The following LNX2 variants were observed in gnomAD, a reference collection of about 807,000 sequenced individuals.
LNX2 encodes ligand of numb-protein X 2.
In LNX2, 35 loss-of-function variants were observed where a neutral mutation model predicts 66.2. That is an observed-to-expected ratio of 0.53 (90% CI 0.40 to 0.70). LNX2 has a LOEUF of 0.70. LNX2 is among the 30% of genes least tolerant of loss of function. The pLI is 0.00. For synonymous variants in LNX2, 337 were observed against 315.6 expected (o/e 1.07, Z -0.72); for missense variants, 791 against 850.8 (o/e 0.93, Z 0.87).
upstream of LNX2, chr13:27,620,645 AG>A (rs1955893859): frequency 6.5e-6 from 1 of 153,472 alleles, no homozygotes; most frequent in South Asian, 1.8e-4. Context: ...GAGGTAGCAC[AG>A]GGCGGGAGGT....
At chr13:27,599,597 A>T (rs536205064) in intron 1 of LNX2, among the ~76,000 whole-genome samples, 2 of 152,360 alleles carry the variant, frequency 1.3e-5, no homozygotes, top group Non-Finnish European at 2.9e-5. Flanking sequence ...TTAGTAATCC[A>T]TATTTACAAA....
At position 27,570,208 on chromosome 13, in the gene LNX2, T is replaced by A. The variant is rs140586944; in HGVS notation, c.408-932A>T. On this transcript the variant is annotated intron_variant, in intron 2 of 9. Transcript: ENST00000316334. ...AAGTTGGACACATATACCTGAGGCC[T>A]ACCACGACTCTACGGATGACACATG... is the stretch of plus-strand genomic sequence containing the variant. 5.6e-3 allele frequency among the ~76,000 whole-genome samples: 849 copies of A among 152,270 alleles called. 8 individuals are homozygous for A. Among genetic ancestry groups the A allele is most frequent in the African/African-American group, 0.019 (808 of 41,556 alleles).
At position 27,559,793 on chromosome 13, in the gene LNX2, G is replaced by T. The variant is rs1955106863; in HGVS notation, c.1368+49C>A. Reference sequence around the variant, plus strand: ...ACCTTCATTTAAATCTTACCAGCTTGTAACAATGATCCTTTGATGGTGGCA... The same window carrying T: ...ACCTTCATTTAAATCTTACCAGCTTTTAACAATGATCCTTTGATGGTGGCA... On this transcript the variant is annotated intron_variant, in intron 6 of 9. Transcript: ENST00000316334. 3 of 1,447,378 alleles carry T rather than the reference G, an allele frequency of 2.1e-6. No individual in the cohort carries two copies. In the African/African-American group the frequency reaches 4.4e-5, roughly 21 times the overall value. The allele number at this position is 1,447,378 out of a possible 1,614,324, so 89.7% of individuals were successfully genotyped here.
chr13:27,548,648 C>T (rs113728980), intron 9 of LNX2, among the ~76,000 whole-genome samples, 178 bp from the exon 10 acceptor site: 6,664 of 152,256 alleles, frequency 0.044, 207 homozygotes, highest in Non-Finnish European at 0.067. Flanking sequence ...TTTCCCTTGC[C>T]AATCAAGGAA....
At chr13:27,558,427 C>A (rs1212472644) in intron 6 of LNX2, among the ~76,000 whole-genome samples, 2 of 151,878 alleles carry the variant, frequency 1.3e-5, no homozygotes, top group African/African-American at 4.8e-5. Context: ...AATACATGTG[C>A]CCACAACAAA....
chr13:27,593,734 TTGTGTGTGTGTG>T (rs373386821), intron 1 of LNX2, among the ~76,000 whole-genome samples: 1 of 143,846 alleles, frequency 7.0e-6, no homozygotes, highest in Non-Finnish European at 1.5e-5. Context: ...CGCCTGGTTT[TTGTGTGTGTGTG>T]TGTGTGTGTT....
chr13:27,588,194 C>T (rs539692546), intron 1 of LNX2, among the ~76,000 whole-genome samples: 1 of 152,260 alleles, frequency 6.6e-6, no homozygotes, highest in East Asian at 1.9e-4. Flanking sequence ...TGAAAACTTA[C>T]ATTCACACAA....
intron 1 of LNX2, among the ~76,000 whole-genome samples, chr13:27,603,870 C>T (rs568862097): frequency 6.6e-6 from 1 of 151,878 alleles, no homozygotes; most frequent in East Asian, 1.9e-4. Flanking sequence ...TGTCCAACTA[C>T]CATTTTAACA....
chr13:27,577,377 T>G (rs1955350977), intron 2 of LNX2, among the ~76,000 whole-genome samples: 1 of 152,162 alleles, frequency 6.6e-6, no homozygotes, highest in Non-Finnish European at 1.5e-5. Context: ...AATTTAAAAG[T>G]GCAATCATGC....
At chr13:27,619,463 G>A (rs899613503) in intron 1 of LNX2, among the ~76,000 whole-genome samples, 1 of 152,232 alleles carries the variant, frequency 6.6e-6, no homozygotes, top group African/African-American at 2.4e-5. Context: ...CAATTTACAA[G>A]TAAGTACTAT....
intron 1 of LNX2, among the ~76,000 whole-genome samples, chr13:27,589,114 C>T (rs1955523529): frequency 6.6e-6 from 1 of 152,146 alleles, no homozygotes; most frequent in Non-Finnish European, 1.5e-5. Flanking sequence ...AAGTACCGGT[C>T]AATAACCAAC....
intron 4 of LNX2, among the ~76,000 whole-genome samples, 196 bp from the exon 5 acceptor site, chr13:27,562,977 G>A (rs7332765): frequency 0.62 from 94,061 of 152,030 alleles, 30,720 homozygotes; most frequent in African/African-American, 0.84. Context: ...TTAACTTACA[G>A]TGACTAGCAT....
At chr13:27,581,857 G>C (rs9512753) in intron 1 of LNX2, 54 bp from the exon 2 acceptor site, 281,027 of 516,364 alleles carry the variant, frequency 0.54, 78,134 homozygotes, top group African/African-American at 0.68. Context: ...AATCAAGATA[G>C]GTTAAAAGTA....
At chr13:27,554,745 G>C (rs1955039169) in intron 7 of LNX2, among the ~76,000 whole-genome samples, 1 of 152,192 alleles carries the variant, frequency 6.6e-6, no homozygotes, top group African/African-American at 2.4e-5. Flanking sequence ...TCTAGAAGTG[G>C]AATTGCTGGT....
At chr13:27,566,606 G>A (rs923038247) in intron 4 of LNX2, among the ~76,000 whole-genome samples, 23 of 152,158 alleles carry the variant, frequency 1.5e-4, no homozygotes, top group Admixed American at 1.5e-3. Flanking sequence ...GATTGTTTCA[G>A]ATTTAAGGGA....
intron 5 of LNX2, 121 bp downstream of exon 5, chr13:27,562,292 C>A: frequency 8.0e-7 from 1 of 1,254,330 alleles, no homozygotes; most frequent in Non-Finnish European, 1.1e-6. Context: ...GGTAGCCACA[C>A]CCGATTTTCT....
At chr13:27,607,204 A>G (rs920202295) in intron 1 of LNX2, among the ~76,000 whole-genome samples, 2 of 152,242 alleles carry the variant, frequency 1.3e-5, no homozygotes, top group Non-Finnish European at 2.9e-5. Flanking sequence ...TTTAACATTC[A>G]GCTGTAATCA....
intron 2 of LNX2, among the ~76,000 whole-genome samples, chr13:27,573,317 T>G (rs1955304712): frequency 6.6e-6 from 1 of 152,058 alleles, no homozygotes; most frequent in South Asian, 2.1e-4. Flanking sequence ...TGCTTGTCTT[T>G]TTTCTTCTTT....
intron 1 of LNX2, among the ~76,000 whole-genome samples, chr13:27,587,686 T>C (rs17085779): frequency 0.11 from 16,277 of 152,202 alleles, 1,033 homozygotes; most frequent in East Asian, 0.27. Context: ...AATTTTCTCA[T>C]GGTATATGTC....
Sources: allele counts gnomAD v4.1 joint callset (sites outside exome capture counted in the v4.1 genomes callset), GRCh38; gene constraint gnomAD v4.1.1; transcripts MANE v1.5; gene names NCBI Gene and HGNC (gene_info 2026-07-23, HGNC 2026-07-21).